WSCD2: variants seen among roughly 807,000 people sequenced by gnomAD.
WSCD2 encodes the protein WSC domain sialate O sulfotransferase 2.
In WSCD2, 28 loss-of-function variants were observed where a neutral mutation model predicts 55.7. The observed-to-expected ratio is 0.50, with a 90% CI of 0.37 to 0.69. WSCD2 has a LOEUF of 0.69. Among genes scored for constraint, WSCD2 ranks in the 30% least tolerant of loss-of-function variants. The pLI, the probability that WSCD2 is intolerant of heterozygous loss-of-function variation, is 0.00. For missense variants in WSCD2, 616 were observed against 762.1 expected, an observed-to-expected ratio of 0.81 and a Z score of 2.26; for synonymous variants, 301 against 301.9, an observed-to-expected ratio of 1.00 and a Z score of 0.03.
intron 1 of WSCD2, chr12:108,171,856 T>C (rs1218226606): frequency 6.6e-6 from 1 of 152,236 alleles, no homozygotes; most frequent in Non-Finnish European, 1.5e-5. Flanking sequence ...GGAAGAATTT[T>C]GTCAAACTGT....
In WSCD2 at chr12:108,228,976, G is replaced by T. The variant is rs1026446356; in HGVS notation, c.979+1812G>T. On this transcript the variant is annotated intron_variant, in intron 6 of 8. Transcript: ENST00000547525. ...GTCATACACAGATTAATTACCCTGTGATCATGAATGGCTTTGAGGTGGCCA... is the reference window on the plus strand; with the variant it reads ...GTCATACACAGATTAATTACCCTGTTATCATGAATGGCTTTGAGGTGGCCA... Among the ~76,000 whole-genome samples, 22 of 152,302 alleles carry T rather than the reference G, an allele frequency of 1.4e-4. 1 individual carries two copies. Among genetic ancestry groups the T allele is most frequent in the African/African-American group, 4.8e-4 (20 of 41,562 alleles).
At chr12:108,160,858 C>T (rs1470350191) in intron 1 of WSCD2, among the ~76,000 whole-genome samples, 1 of 152,214 alleles carries the variant, frequency 6.6e-6, no homozygotes, top group Non-Finnish European at 1.5e-5. Context: ...AGGCAGGTGC[C>T]TGCATTCAAA....
chr12:108,137,639 T>G (rs1026400044), intron 1 of WSCD2, among the ~76,000 whole-genome samples: 4 of 152,246 alleles, frequency 2.6e-5, no homozygotes, highest in African/African-American at 9.6e-5. Context: ...CCGTAACTTC[T>G]GTCCAGCTGA....
intron 1 of WSCD2, among the ~76,000 whole-genome samples, chr12:108,156,255 C>A (rs1878498004): frequency 6.6e-6 from 1 of 152,178 alleles, no homozygotes; most frequent in Non-Finnish European, 1.5e-5. Context: ...CCTGGCCCCA[C>A]CACTTAGCAT....
At chr12:108,166,781 C>CCTTT in intron 1 of WSCD2, among the ~76,000 whole-genome samples, 1 of 136,122 alleles carries the variant, frequency 7.3e-6, no homozygotes, top group South Asian at 2.4e-4. Flanking sequence ...TTCTTTCTTT[C>CCTTT]TTTCTTTCTG....
chr12:108,202,609 A>T (rs1884841712), intron 2 of WSCD2, among the ~76,000 whole-genome samples: 1 of 152,166 alleles, frequency 6.6e-6, no homozygotes, highest in Non-Finnish European at 1.5e-5. Context: ...GGAACAGAAA[A>T]CCAAATACTG....
chr12:108,247,733 T>G (rs181455555), intron 8 of WSCD2, among the ~76,000 whole-genome samples: 30 of 152,290 alleles, frequency 2.0e-4, no homozygotes, highest in African/African-American at 6.7e-4. Context: ...TTTATTTTAT[T>G]TTTTGTAGAG....
intron 1 of WSCD2, among the ~76,000 whole-genome samples, chr12:108,153,798 A>G (rs1473090526): frequency 6.6e-6 from 1 of 152,000 alleles, no homozygotes; most frequent in East Asian, 1.9e-4. Context: ...CGTTGGCCAA[A>G]CTCTAGTGGA....
intron 1 of WSCD2, among the ~76,000 whole-genome samples, chr12:108,189,133 A>G (rs1297900031): frequency 2.0e-5 from 3 of 152,252 alleles, no homozygotes; most frequent in Non-Finnish European, 2.9e-5. Context: ...TGAATCAACC[A>G]TATTGATTCC....
chr12:108,180,457 C>T (rs901516630), intron 1 of WSCD2, among the ~76,000 whole-genome samples: 1 of 152,174 alleles, frequency 6.6e-6, no homozygotes, highest in African/African-American at 2.4e-5. Flanking sequence ...AGGCCAGGCC[C>T]GTGGGACAAA....
intron 1 of WSCD2, among the ~76,000 whole-genome samples, chr12:108,149,463 T>C (rs1877734943): frequency 6.6e-6 from 1 of 152,136 alleles, no homozygotes; most frequent in Non-Finnish European, 1.5e-5. Flanking sequence ...GTCAGAAGCT[T>C]TCAGTATGCA....
intron 6 of WSCD2, among the ~76,000 whole-genome samples, chr12:108,230,110 G>A (rs774284335): frequency 6.6e-6 from 1 of 152,108 alleles, no homozygotes; most frequent in Non-Finnish European, 1.5e-5. Context: ...TTAGCTTTCT[G>A]AAGTAACACT....
chr12:108,233,183 C>A, intron 7 of WSCD2: 1 of 295,206 alleles, frequency 3.4e-6, no homozygotes, highest in Non-Finnish European at 6.5e-6. Flanking sequence ...TAGGTTACAA[C>A]AAACATTTCT....
In WSCD2 at chr12:108,240,501, C is replaced by T. The variant is rs1320496939; in HGVS notation, c.1302C>T (p.Gly434=). 2 of 1,594,890 alleles carry T rather than the reference C, an allele frequency of 1.3e-6. No homozygotes were observed. The highest frequency in any genetic ancestry group is 1.7e-5 in the Admixed American group (1 of 59,170). The part of the protein sequence containing the change: ...ALMAEFNRKY[G]GHIGFAAHAH... Reference sequence around the variant, plus strand: ...TGGCTGAGTTCAACCGCAAGTACGGCGGCCACATAGGCTTTGCTGCGCATG... The same window carrying T: ...TGGCTGAGTTCAACCGCAAGTACGGTGGCCACATAGGCTTTGCTGCGCATG... Residue 434 remains glycine (G), a synonymous_variant, in exon 8 of 9, where the codon GGC becomes GGT. Coordinates refer to ENST00000547525, the MANE Select transcript of WSCD2 (RefSeq NM_014653.4).
At chr12:108,178,487 A>C (rs916448760) in intron 1 of WSCD2, among the ~76,000 whole-genome samples, 6 of 152,192 alleles carry the variant, frequency 3.9e-5, no homozygotes, top group Non-Finnish European at 8.8e-5. Flanking sequence ...TGCACTATAC[A>C]TCAGATACTT....
intron 2 of WSCD2, among the ~76,000 whole-genome samples, chr12:108,199,550 C>T (rs1375017850): frequency 6.6e-6 from 1 of 152,238 alleles, no homozygotes; most frequent in Non-Finnish European, 1.5e-5. Flanking sequence ...GTCGCTTCAC[C>T]TTTCTGACAT....
chr12:108,164,923 T>C (rs1879460318), intron 1 of WSCD2, among the ~76,000 whole-genome samples: 1 of 152,166 alleles, frequency 6.6e-6, no homozygotes, highest in Admixed American at 6.5e-5. Flanking sequence ...CAGTCTCCTT[T>C]TCATGTGGGC....
Position 108,210,427 on chromosome 12 carries a change from C to A in WSCD2, c.682+122C>A. The A allele has an allele frequency of 7.7e-7, 1 of 1,301,238 alleles. No homozygotes were observed. The highest frequency in any genetic ancestry group is 1.0e-6 in the Non-Finnish European group (1 of 967,858). 80.6% of individuals were successfully genotyped at this position (1,301,238 alleles called of 1,614,324 possible). A position where few individuals can be genotyped will look rare whatever the true frequency, so the allele number is the denominator to read the frequency against. ...GCTCCCCATCACTCCAAGGCCACCA[C>A]CGTCCTGCCCCTGCCTCACCTCTCC... On this transcript the variant is annotated intron_variant, in intron 4 of 8. Coordinates refer to ENST00000547525, the MANE Select transcript of WSCD2 (RefSeq NM_014653.4). This position sits in a 1 kb window ranked among gnomAD's most constrained non-coding sequence, Gnocchi z 4.3.
chr12:108,243,848 C>T (rs1265986324), intron 8 of WSCD2, among the ~76,000 whole-genome samples: 1 of 152,124 alleles, frequency 6.6e-6, no homozygotes, highest in Non-Finnish European at 1.5e-5. Context: ...TTGAGTGTGT[C>T]CACCCCACCA....
Sources: gnomAD v4.1 joint callset for allele counts (sites outside exome capture counted in the v4.1 genomes callset) on GRCh38, gnomAD v4.1.1 for gene constraint, Gnocchi (gnomAD v3.1) non-coding constraint, MANE v1.5 for transcripts, NCBI Gene and HGNC (gene_info 2026-07-23, HGNC 2026-07-21) for gene names.